RANBP10: variants seen among roughly 807,000 people sequenced by gnomAD.
The protein encoded by RANBP10 is RAN binding protein 10.
A neutral mutation model predicts 72.8 loss-of-function variants in RANBP10; 24 were observed. That is an observed-to-expected ratio of 0.33 (90% CI 0.24 to 0.46). RANBP10 has a LOEUF of 0.46. RANBP10 is among the 20% of genes least tolerant of loss of function. RANBP10 has a pLI of 1.00. For synonymous variants in RANBP10, 310 were observed against 322.3 expected, an observed-to-expected ratio of 0.96 and a Z score of 0.41; for missense variants, 679 against 817.5, an observed-to-expected ratio of 0.83 and a Z score of 2.07.
intron 2 of RANBP10, among the ~76,000 whole-genome samples, chr16:67,797,376 A>G (rs1016249126): frequency 2.0e-5 from 3 of 152,236 alleles, no homozygotes; most frequent in African/African-American, 7.2e-5. Flanking sequence ...CCTACCAGAA[A>G]AGTGGCCACA....
intron 2 of RANBP10, among the ~76,000 whole-genome samples, chr16:67,802,874 G>GA (rs939833010): frequency 6.6e-6 from 1 of 151,666 alleles, no homozygotes; most frequent in Non-Finnish European, 1.5e-5. Context: ...AATACAAAAA[G>GA]AAAAAAAGAA....
At chr16:67,794,315 G>A (rs2055085557) in intron 2 of RANBP10, among the ~76,000 whole-genome samples, 1 of 151,756 alleles carries the variant, frequency 6.6e-6, no homozygotes, top group South Asian at 2.1e-4. Context: ...GTGCATGCCT[G>A]TAACCTCAGC....
At chr16:67,796,428 A>C (rs1358400901) in intron 2 of RANBP10, among the ~76,000 whole-genome samples, 2 of 152,116 alleles carry the variant, frequency 1.3e-5, no homozygotes, top group Non-Finnish European at 2.9e-5. Flanking sequence ...CTTTAGAAGA[A>C]ATAAGCTGAG....
At chr16:67,776,136 C>T (rs1213046111) in intron 2 of RANBP10, among the ~76,000 whole-genome samples, 1 of 148,590 alleles carries the variant, frequency 6.7e-6, no homozygotes, top group Non-Finnish European at 1.5e-5. Context: ...CAGAGCAAGA[C>T]TCCATCTCAA....
intron 3 of RANBP10, among the ~76,000 whole-genome samples, chr16:67,767,233 C>T (rs1483474707): frequency 2.6e-5 from 4 of 152,068 alleles, no homozygotes; most frequent in Non-Finnish European, 5.9e-5. Flanking sequence ...GCCCAGCAGA[C>T]TCTGAACACC....
chr16:67,745,882 T>C (rs1868762981), intron 3 of RANBP10, among the ~76,000 whole-genome samples: 1 of 151,742 alleles, frequency 6.6e-6, no homozygotes, highest in African/African-American at 2.4e-5. Context: ...ACTGTCCAGG[T>C]GCGGTGGCTC....
chr16:67,789,177 G>A (rs2054978584), intron 2 of RANBP10, among the ~76,000 whole-genome samples: 1 of 151,210 alleles, frequency 6.6e-6, no homozygotes, highest in Non-Finnish European at 1.5e-5. Context: ...AGGTGTGGTG[G>A]TGCACGCCTG....
chr16:67,730,538 G>A lies in RANBP10; in HGVS notation c.890-492C>T, dbSNP rs1419733762. 6.6e-6 allele frequency among the ~76,000 whole-genome samples: 1 copy of A among 152,160 alleles called. No homozygotes were observed. Among genetic ancestry groups the A allele is most frequent in the Non-Finnish European group, 1.5e-5 (1 of 68,020 alleles). On this transcript the variant is annotated intron_variant, in intron 7 of 13. Coordinates refer to ENST00000317506, the MANE Select transcript of RANBP10 (RefSeq NM_020850.3). This position sits in a 1 kb window ranked among gnomAD's most constrained non-coding sequence, Gnocchi z 4.3. ...CTTCAGGGGCTGCAGCATGCCCCCT[G>A]CTGGGAGAGGAGGCCATCCTCCTCA...
At chr16:67,773,438 AG>A (rs1345511156) in intron 2 of RANBP10, among the ~76,000 whole-genome samples, 1 of 152,148 alleles carries the variant, frequency 6.6e-6, no homozygotes, top group African/African-American at 2.4e-5. Context: ...ATTTCTTTAT[AG>A]TAATATAAAA....
At chr16:67,782,280 T>C (rs989113401) in intron 2 of RANBP10, among the ~76,000 whole-genome samples, 22 of 150,236 alleles carry the variant, frequency 1.5e-4, no homozygotes, top group African/African-American at 5.2e-4. Context: ...GCTGGGACCA[T>C]AGGTGAGTGC....
intron 2 of RANBP10, among the ~76,000 whole-genome samples, chr16:67,777,261 G>A (rs184050950): frequency 3.2e-4 from 48 of 152,166 alleles, no homozygotes; most frequent in African/African-American, 9.9e-4. Flanking sequence ...AGTAGGCTGG[G>A]CGCGGTGGCT....
At chr16:67,766,025 TAAAC>T (rs1368119201) in intron 3 of RANBP10, among the ~76,000 whole-genome samples, 4 of 151,794 alleles carry the variant, frequency 2.6e-5, no homozygotes, top group African/African-American at 9.7e-5. Flanking sequence ...AATAAATAAA[TAAAC>T]AAACACCAAA....
intron 6 of RANBP10, 37 bp downstream of exon 6, chr16:67,734,821 G>T (rs201262596): frequency 5.7e-4 from 860 of 1,512,556 alleles, no homozygotes; most frequent in Non-Finnish European, 7.4e-4. Context: ...GGCTGGGGTG[G>T]GGTGGGAGTG....
At chr16:67,766,946 T>C (rs1248840733) in intron 3 of RANBP10, among the ~76,000 whole-genome samples, 1 of 152,066 alleles carries the variant, frequency 6.6e-6, no homozygotes, top group Non-Finnish European at 1.5e-5. Flanking sequence ...AGGGAGATGA[T>C]CAGATATGGC....
chr16:67,744,156 C>T (rs1266726219), intron 4 of RANBP10, 132 bp downstream of exon 4: 3 of 1,484,168 alleles, frequency 2.0e-6, no homozygotes, highest in Non-Finnish European at 2.7e-6. Flanking sequence ...TGAAAGGGCT[C>T]CAATGCCTGG....
rs2053557331 is a variant in RANBP10, at chr16:67,723,290, C to T, written c.*3138G>A. On this transcript the variant is annotated 3_prime_UTR_variant, in exon 14 of 14. Transcript: ENST00000317506. The stretch of plus-strand genomic sequence containing the variant: ...AGGATGTCTGTTGCAGCTGTAGTTA[C>T]TAATGCAGGAAAACCCAATGCAAAG... The T allele has an allele frequency of 6.5e-6, 1 of 152,794 alleles. No individual in the cohort carries two copies. 9.5% of individuals were successfully genotyped at this position (152,794 alleles called of 1,614,324 possible).
At chr16:67,785,923 G>A (rs983358175) in intron 2 of RANBP10, among the ~76,000 whole-genome samples, 6 of 151,452 alleles carry the variant, frequency 4.0e-5, no homozygotes, top group Non-Finnish European at 8.8e-5. Context: ...CTACTCGGGA[G>A]GCTGAGGCAG....
chr16:67,774,879 A>G (rs1485347712), intron 2 of RANBP10, among the ~76,000 whole-genome samples: 1 of 152,234 alleles, frequency 6.6e-6, no homozygotes, highest in African/African-American at 2.4e-5. Context: ...GAGAGAAACA[A>G]AGCAGACCCT....
intron 1 of RANBP10, 58 bp from the exon 2 acceptor site, chr16:67,805,597 AT>A: frequency 7.0e-7 from 1 of 1,434,666 alleles, no homozygotes; most frequent in Non-Finnish European, 9.7e-7. Flanking sequence ...TGGAAGCCTC[AT>A]TTTTCTCTGC....
Sources: gnomAD v4.1 joint callset for allele counts (sites outside exome capture counted in the v4.1 genomes callset) on GRCh38, gnomAD v4.1.1 for gene constraint, Gnocchi (gnomAD v3.1) non-coding constraint, MANE v1.5 for transcripts, NCBI Gene and HGNC (gene_info 2026-07-23, HGNC 2026-07-21) for gene names.